Variants in NOX5 observed in about 807,000 individuals in gnomAD.
The protein encoded by NOX5 is NADPH oxidase 5.
NOX5 carries 76 observed loss-of-function variants against 85.7 expected under a neutral mutation model. The ratio of observed to expected loss-of-function variants is 0.89; its 90% CI spans 0.74 to 1.07. The LOEUF is 1.07. NOX5 is among the 50% of genes least tolerant of loss of function. The pLI, the probability that NOX5 is intolerant of heterozygous loss-of-function variation, is 0.00. For missense variants in NOX5, 973 were observed against 999.5 expected (o/e 0.97, Z 0.36); for synonymous variants, 405 against 401.4 (o/e 1.01, Z -0.11).
chr15:69,031,762 C>CCGGGA lies in NOX5; in HGVS notation c.573_577dup (p.Glu193GlyfsTer14), dbSNP rs752059144. 3.1e-6 allele frequency: 5 copies of CCGGGA among 1,608,494 alleles called. No homozygotes were observed. Among genetic ancestry groups the CCGGGA allele is most frequent in the Non-Finnish European group, 4.3e-6 (5 of 1,176,146 alleles). On this transcript the variant is annotated frameshift_variant, in exon 4 of 16. Transcript: ENST00000388866. LOFTEE classifies it high-confidence loss of function. ...ACGGGGCCATCACCTTCGAGGAGCT[C>CCGGGA]CGGGACGAGCTGCAGCGCTTCCCCG...
rs2050798664 is a variant in NOX5 at position 69,055,366 on chromosome 15, T to A, written c.2032T>A (p.Ser678Thr). The A allele has an allele frequency of 3.1e-6, 5 of 1,614,196 alleles. No individual in the cohort carries two copies. The East Asian group carries it at 1.1e-4, about 36-fold the overall frequency. Residue 678 changes from serine (S) to threonine (T), a missense_variant, in exon 15 of 16, where the codon TCT becomes ACT. Ser to Thr is a moderately conservative substitution (Grantham distance 58). Transcript: ENST00000388866. Reference sequence around the variant, plus strand: ...CCTGGAGCTGCATATGTACATGACATCTGCACTGGGCAAGAATGACATGAA... The same window carrying A: ...CCTGGAGCTGCATATGTACATGACAACTGCACTGGGCAAGAATGACATGAA... ...RFLELHMYMT[S>T]ALGKNDMKAI...
intron 1 of NOX5, among the ~76,000 whole-genome samples, chr15:69,019,215 T>C (rs1299018170): frequency 1.3e-5 from 2 of 152,112 alleles, no homozygotes; most frequent in African/African-American, 2.4e-5. Context: ...TCCCTCCTCC[T>C]CCCGACTGGG....
chr15:69,032,912 T>TAAACA, intron 4 of NOX5, 131 bp from the exon 5 acceptor site: 1 of 1,281,202 alleles, frequency 7.8e-7, no homozygotes, highest in Non-Finnish European at 1.0e-6. Context: ...ACCTCTCTGT[T>TAAACA]TCCTGGTGTG....
rs543730970 is a variant in NOX5, at chr15:69,041,617, G to A, written c.1505-1046G>A. Among the ~76,000 whole-genome samples, 15 of 152,278 alleles carry A rather than the reference G, an allele frequency of 9.9e-5. 1 individual carries two copies. Among genetic ancestry groups the A allele is most frequent in the East Asian group, 5.8e-4 (3 of 5,184 alleles). On this transcript the variant is annotated intron_variant, in intron 9 of 15. Coordinates refer to ENST00000388866, the MANE Select transcript of NOX5 (RefSeq NM_024505.4). ...CTACTACTTCTGATTCCCAGGGCTCGTTGGGTCCTGCTACAGCTCATTAAT... is the reference window on the plus strand; with the variant it reads ...CTACTACTTCTGATTCCCAGGGCTCATTGGGTCCTGCTACAGCTCATTAAT...
rs1484296071 is a variant in NOX5 at position 69,061,535 on chromosome 15, CT to C, written c.*4844del. 1 of 152,244 alleles carries C rather than the reference CT, an allele frequency of 6.6e-6. No individual in the cohort carries two copies. The highest frequency in any genetic ancestry group is 2.4e-5 in the African/African-American group (1 of 41,462). 9.4% of individuals were successfully genotyped at this position (152,244 alleles called of 1,614,324 possible). The stretch of plus-strand genomic sequence containing the variant: ...CAGCCTTCCTGACAGATTGATGCAT[CT>C]TTTTATGATCTGTCTTTACAATATG... On this transcript the variant is annotated 3_prime_UTR_variant, in exon 16 of 16. Transcript: ENST00000388866.
chr15:69,048,010 G>A (rs977570584), intron 13 of NOX5, 99 bp downstream of exon 13: 2 of 1,020,764 alleles, frequency 2.0e-6, no homozygotes, highest in South Asian at 1.4e-5. Flanking sequence ...GAGCGGATAG[G>A]TGATCCCTAA....
At chr15:69,056,016 G>A (rs1203984960) in intron 15 of NOX5, among the ~76,000 whole-genome samples, 2 of 152,176 alleles carry the variant, frequency 1.3e-5, no homozygotes, top group African/African-American at 2.4e-5. Flanking sequence ...CCCATGCCTG[G>A]GTCATGACAG....
chr15:69,058,088 A>T lies in NOX5; in HGVS notation c.*1392A>T, dbSNP rs1274647849. Reference sequence around the variant, plus strand: ...ATCCTCCACCTTGCAGTCAGTCCTGATAGGTTCTCTTCTTGACAGTGTAAA... The same window carrying T: ...ATCCTCCACCTTGCAGTCAGTCCTGTTAGGTTCTCTTCTTGACAGTGTAAA... On this transcript the variant is annotated 3_prime_UTR_variant, in exon 16 of 16. Transcript: ENST00000388866. The T allele has an allele frequency of 6.6e-6, 1 of 152,548 alleles. No homozygotes were observed. The highest frequency in any genetic ancestry group is 1.5e-5 in the Non-Finnish European group (1 of 68,354). The allele number at this position is 152,548 out of a possible 1,614,324, so 9.4% of individuals were successfully genotyped here.
chr15:69,057,323 A>C lies in NOX5; in HGVS notation c.*627A>C, dbSNP rs1165390131. 1 of 152,202 alleles carries C rather than the reference A, an allele frequency of 6.6e-6. No individual in the cohort carries two copies. The highest frequency in any genetic ancestry group is 1.5e-5 in the Non-Finnish European group (1 of 68,056). 9.4% of individuals were successfully genotyped at this position (152,202 alleles called of 1,614,324 possible). ...CTTGCTACTTGGAGGAGCCTTCTTC[A>C]AATGCACATTCCTTGGTCCCACTAC... is the stretch of plus-strand genomic sequence containing the variant. On this transcript the variant is annotated 3_prime_UTR_variant, in exon 16 of 16. Coordinates refer to ENST00000388866, the MANE Select transcript of NOX5 (RefSeq NM_024505.4).
At chr15:69,042,594 G>C in intron 9 of NOX5, 69 bp from the exon 10 acceptor site, 1 of 1,522,396 alleles carries the variant, frequency 6.6e-7, no homozygotes, top group Non-Finnish European at 8.9e-7. Context: ...CCCTCCAGTG[G>C]GGTGAGGCTT....
intron 14 of NOX5, among the ~76,000 whole-genome samples, chr15:69,050,721 G>A (rs757510381): frequency 9.9e-5 from 15 of 152,122 alleles, no homozygotes; most frequent in Non-Finnish European, 1.8e-4. Flanking sequence ...ACTGCACTTC[G>A]TTCTGGTGCA....
At chr15:69,016,036 G>C (rs2050228197) in intron 1 of NOX5, among the ~76,000 whole-genome samples, 1 of 152,196 alleles carries the variant, frequency 6.6e-6, no homozygotes, top group Non-Finnish European at 1.5e-5. Context: ...AAGCCACGAG[G>C]GATGAGAAGG....
At chr15:69,036,721 A>G (rs2050520881) in intron 7 of NOX5, among the ~76,000 whole-genome samples, 2 of 152,126 alleles carry the variant, frequency 1.3e-5, no homozygotes, top group South Asian at 4.1e-4. Context: ...CCTTCTGAGA[A>G]TGGGTCGGGG....
intron 12 of NOX5, 88 bp downstream of exon 12, chr15:69,047,625 C>A: frequency 6.7e-7 from 1 of 1,495,470 alleles, no homozygotes; most frequent in Non-Finnish European, 9.0e-7. Flanking sequence ...CCTTCTCCTT[C>A]CTCTCCTTTC....
chr15:69,016,575 C>A (rs2050234591), intron 1 of NOX5, among the ~76,000 whole-genome samples: 1 of 152,146 alleles, frequency 6.6e-6, no homozygotes, highest in South Asian at 2.1e-4. Flanking sequence ...AAATGGGAAT[C>A]CATCTAGGAC....
At chr15:69,043,171 C>A (rs923274548) in intron 10 of NOX5, among the ~76,000 whole-genome samples, 6 of 152,162 alleles carry the variant, frequency 3.9e-5, no homozygotes, top group African/African-American at 1.4e-4. Flanking sequence ...TGTTACTTAC[C>A]TTTCTCCTGT....
At chr15:69,049,854 A>G (rs1320697876) in intron 14 of NOX5, among the ~76,000 whole-genome samples, 1 of 152,206 alleles carries the variant, frequency 6.6e-6, no homozygotes, top group Non-Finnish European at 1.5e-5. Flanking sequence ...AAATTTACCA[A>G]TTTAAGCGTA....
At chr15:69,033,370 A>C in intron 5 of NOX5, 93 bp downstream of exon 5, 1 of 1,387,874 alleles carries the variant, frequency 7.2e-7, no homozygotes, top group Non-Finnish European at 9.6e-7. Context: ...GGACACCTGG[A>C]ATGCCAGGGC....
chr15:69,049,057 C>CGGT lies in NOX5; in HGVS notation c.1999_1999+2dup. On this transcript the variant is annotated inframe_insertion and splice_region_variant, in exon 14 of 16. Transcript: ENST00000388866. Reference sequence around the variant, plus strand: ...TGGACCAGGCCGAGGAGGCTCAATACGGTAAGAGAGGGACAGGGCCTGAGG... The same window carrying CGGT: ...TGGACCAGGCCGAGGAGGCTCAATACGGTGGTAAGAGAGGGACAGGGCCTGAGG... The CGGT allele has an allele frequency of 6.2e-7, 1 of 1,608,480 alleles. No individual in the cohort carries two copies. Among genetic ancestry groups the CGGT allele is most frequent in the Non-Finnish European group, 8.5e-7 (1 of 1,177,232 alleles).
Sources: allele counts gnomAD v4.1 joint callset (sites outside exome capture counted in the v4.1 genomes callset), GRCh38; gene constraint gnomAD v4.1.1; transcripts MANE v1.5; gene names NCBI Gene and HGNC (gene_info 2026-07-23, HGNC 2026-07-21).